The following AKT3 variants were observed in gnomAD, a reference collection of about 807,000 sequenced individuals.
The protein encoded by AKT3 is RAC-gamma serine/threonine-protein kinase.
A neutral mutation model predicts 65.3 loss-of-function variants in AKT3; 15 were observed. The observed-to-expected ratio is 0.23, with a 90% CI of 0.15 to 0.35. The LOEUF is 0.35. AKT3 is among the 10% of genes least tolerant of loss of function. The pLI is 1.00. For missense variants in AKT3, 243 were observed against 576.5 expected (o/e 0.42, Z 5.92); for synonymous variants, 206 against 183.8 (o/e 1.12, Z -0.98).
intron 4 of AKT3, among the ~76,000 whole-genome samples, chr1:243,649,921 A>G (rs1681175677): frequency 6.6e-6 from 1 of 152,184 alleles, no homozygotes; most frequent in Non-Finnish European, 1.5e-5. Flanking sequence ...TCCTTTGGGT[A>G]TATACCCACT....
chr1:243,811,606 T>G (rs1321825348), intron 2 of AKT3, among the ~76,000 whole-genome samples: 2 of 152,254 alleles, frequency 1.3e-5, no homozygotes, highest in African/African-American at 4.8e-5. Flanking sequence ...CCAAGGTAAT[T>G]TATAGATTCA....
At chr1:243,685,739 T>C (rs998917813) in intron 3 of AKT3, among the ~76,000 whole-genome samples, 4 of 152,086 alleles carry the variant, frequency 2.6e-5, no homozygotes, top group Admixed American at 6.6e-5. Flanking sequence ...CAACATAGTA[T>C]TGGAAGTTCT....
At chr1:243,758,690 A>C (rs1689295872) in intron 2 of AKT3, among the ~76,000 whole-genome samples, 1 of 152,142 alleles carries the variant, frequency 6.6e-6, no homozygotes, top group African/African-American at 2.4e-5. Context: ...CATTAGTTAG[A>C]GTTAGTAAGG....
chr1:243,769,105 C>T (rs368836901), intron 2 of AKT3, among the ~76,000 whole-genome samples: 3 of 152,032 alleles, frequency 2.0e-5, no homozygotes, highest in East Asian at 3.9e-4. Context: ...AATATGTAGC[C>T]TTTTGTGTGT....
At chr1:243,674,486 TCTAA>T (rs1683368239) in intron 3 of AKT3, among the ~76,000 whole-genome samples, 1 of 152,208 alleles carries the variant, frequency 6.6e-6, no homozygotes. Context: ...AATCCTTAGA[TCTAA>T]CTTCCTTTTA....
intron 1 of AKT3, among the ~76,000 whole-genome samples, chr1:243,844,761 G>A (rs565578315): frequency 2.6e-5 from 4 of 152,190 alleles, no homozygotes; most frequent in East Asian, 1.9e-4. Context: ...GACAAACATC[G>A]AATTTATCCC....
intron 3 of AKT3, among the ~76,000 whole-genome samples, chr1:243,694,128 C>A (rs925703021): frequency 4.6e-5 from 7 of 152,220 alleles, no homozygotes; most frequent in Non-Finnish European, 8.8e-5. Context: ...TTTTGATCAG[C>A]AGATACAAGA....
chr1:243,718,228 C>T (rs1686632299), intron 2 of AKT3, among the ~76,000 whole-genome samples: 1 of 152,166 alleles, frequency 6.6e-6, no homozygotes, highest in Non-Finnish European at 1.5e-5. Flanking sequence ...AGAAAATCCC[C>T]ATGTCTTATA....
At chr1:243,645,541 G>A (rs907468863) in intron 5 of AKT3, among the ~76,000 whole-genome samples, 2 of 152,076 alleles carry the variant, frequency 1.3e-5, no homozygotes, top group African/African-American at 4.8e-5. Context: ...GGGAGAATAC[G>A]AAATGCGAAA....
At chr1:243,821,077 GC>G (rs1415627874) in intron 2 of AKT3, among the ~76,000 whole-genome samples, 3 of 152,156 alleles carry the variant, frequency 2.0e-5, no homozygotes, top group African/African-American at 7.2e-5. Context: ...CAGACAAACA[GC>G]AGACTTCTCA....
chr1:243,718,407 TA>T (rs963393782), intron 2 of AKT3, among the ~76,000 whole-genome samples: 2 of 151,836 alleles, frequency 1.3e-5, no homozygotes, highest in African/African-American at 2.4e-5. Flanking sequence ...AAGTTTTTTT[TA>T]AAAAAAAGCT....
At chr1:243,569,236 AG>A (rs1178145088) in intron 9 of AKT3, among the ~76,000 whole-genome samples, 3 of 152,262 alleles carry the variant, frequency 2.0e-5, no homozygotes, top group Non-Finnish European at 4.4e-5. Context: ...AAATTCCAAA[AG>A]AAAAACGTTT....
chr1:243,651,300 C>A (rs1254488425), intron 4 of AKT3, among the ~76,000 whole-genome samples: 2 of 152,178 alleles, frequency 1.3e-5, no homozygotes, highest in African/African-American at 4.8e-5. Context: ...GGGGCTGAGA[C>A]AACGGGGTTT....
intron 6 of AKT3, among the ~76,000 whole-genome samples, chr1:243,627,407 A>G (rs1679258807): frequency 1.3e-5 from 2 of 152,200 alleles, no homozygotes. Flanking sequence ...CTCAGGAAAA[A>G]AACAACTGCA....
At chr1:243,627,165 T>C (rs902001122) in intron 6 of AKT3, among the ~76,000 whole-genome samples, 2 of 152,278 alleles carry the variant, frequency 1.3e-5, no homozygotes, top group African/African-American at 4.8e-5. Context: ...GTCTCTGACA[T>C]GGTTTCAGAA....
chr1:243,822,250 C>A (rs781294091), intron 2 of AKT3, among the ~76,000 whole-genome samples: 28 of 152,040 alleles, frequency 1.8e-4, no homozygotes, highest in Non-Finnish European at 3.5e-4. Flanking sequence ...AGACAATGTA[C>A]CAGAATCTCT....
chr1:243,559,582 A>C (rs1480753041), intron 10 of AKT3, among the ~76,000 whole-genome samples: 3 of 152,152 alleles, frequency 2.0e-5, no homozygotes, highest in African/African-American at 7.2e-5. Context: ...GACATTTAAT[A>C]AACTGGCTTT....
At chr1:243,616,294 A>C (rs1214252823) in intron 6 of AKT3, among the ~76,000 whole-genome samples, 1 of 108,176 alleles carries the variant, frequency 9.2e-6, no homozygotes, top group Non-Finnish European at 1.8e-5. Flanking sequence ...CTACAGGTTT[A>C]ATGTGCTTTT....
At chr1:243,683,036 C>T (rs1684032965) in intron 3 of AKT3, among the ~76,000 whole-genome samples, 1 of 152,164 alleles carries the variant, frequency 6.6e-6, no homozygotes, top group African/African-American at 2.4e-5. Flanking sequence ...AAGCCAAGGG[C>T]TAGATCTTGT....
Sources: allele counts gnomAD v4.1 joint callset (sites outside exome capture counted in the v4.1 genomes callset), GRCh38; gene constraint gnomAD v4.1.1; transcripts MANE v1.5; gene names NCBI Gene and HGNC (gene_info 2026-07-23, HGNC 2026-07-21).